Variants in IPO11 observed in about 807,000 individuals in gnomAD.
The protein encoded by IPO11 is importin-11.
A neutral mutation model predicts 143.2 loss-of-function variants in IPO11; 66 were observed. That is an observed-to-expected ratio of 0.46 (90% CI 0.38 to 0.57). The LOEUF (loss-of-function observed/expected upper bound fraction) is 0.57, where lower values mean the gene tolerates loss of function less well. Among genes scored for constraint, IPO11 ranks in the 20% least tolerant of loss-of-function variants. The pLI, the probability that IPO11 is intolerant of heterozygous loss-of-function variation, is 0.00. For synonymous variants in IPO11, 385 were observed against 377.8 expected (o/e 1.02, Z -0.22); for missense variants, 1,026 against 1,141.0 (o/e 0.90, Z 1.45).
chr5:62,421,318 T>C (rs1561302815), intron 1 of IPO11, among the ~76,000 whole-genome samples: 1 of 152,236 alleles, frequency 6.6e-6, no homozygotes, highest in Non-Finnish European at 1.5e-5. Flanking sequence ...CTTGTTAACC[T>C]TGTGTAGGGT....
At chr5:62,559,099 G>A (rs543768121) in intron 26 of IPO11, among the ~76,000 whole-genome samples, 1 of 152,266 alleles carries the variant, frequency 6.6e-6, no homozygotes, top group South Asian at 2.1e-4. Context: ...CTGGTAGATG[G>A]TCTTGCCTTG....
At chr5:62,563,267 G>GT (rs1409785391) in intron 27 of IPO11, among the ~76,000 whole-genome samples, 1 of 152,142 alleles carries the variant, frequency 6.6e-6, no homozygotes, top group East Asian at 1.9e-4. Context: ...GTCCTTGGTG[G>GT]TAGTCAGCAC....
At chr5:62,609,856 G>A (rs562576960) in intron 29 of IPO11, among the ~76,000 whole-genome samples, 9 of 152,236 alleles carry the variant, frequency 5.9e-5, no homozygotes, top group African/African-American at 2.2e-4. Context: ...CTGAAAATGA[G>A]GTTCTAACTG....
chr5:62,564,032 G>T (rs1293170476), intron 27 of IPO11, among the ~76,000 whole-genome samples: 1 of 152,042 alleles, frequency 6.6e-6, no homozygotes, highest in Admixed American at 6.6e-5. Flanking sequence ...AAATCTAATG[G>T]GCATTAGCAA....
intron 20 of IPO11, among the ~76,000 whole-genome samples, chr5:62,524,189 C>T (rs1222544967): frequency 6.6e-6 from 1 of 152,074 alleles, no homozygotes. Context: ...AGGGATTGGA[C>T]ACATTCTTTA....
At chr5:62,427,577 C>T (rs1743803463) in intron 1 of IPO11, among the ~76,000 whole-genome samples, 1 of 152,194 alleles carries the variant, frequency 6.6e-6, no homozygotes, top group Non-Finnish European at 1.5e-5. Flanking sequence ...CTGAGGTCCA[C>T]CTCCTGTCAG....
intron 5 of IPO11, among the ~76,000 whole-genome samples, chr5:62,458,107 A>C (rs1019312279): frequency 6.8e-6 from 1 of 147,166 alleles, no homozygotes; most frequent in African/African-American, 2.5e-5. Flanking sequence ...AGATCGCGCC[A>C]CTGCACTCCA....
intron 19 of IPO11, among the ~76,000 whole-genome samples, chr5:62,512,835 C>T (rs1741809699): frequency 6.8e-6 from 1 of 147,324 alleles, no homozygotes; most frequent in Non-Finnish European, 1.5e-5. Flanking sequence ...GCACATCTTG[C>T]ACCGCCCTTA....
chr5:62,575,270 G>C (rs1222140038), intron 27 of IPO11, among the ~76,000 whole-genome samples: 1 of 152,156 alleles, frequency 6.6e-6, no homozygotes, highest in Non-Finnish European at 1.5e-5. Context: ...AGAATCACCT[G>C]TTGTTAACTT....
chr5:62,439,095 C>T (rs768292397), intron 2 of IPO11, among the ~76,000 whole-genome samples: 1 of 151,142 alleles, frequency 6.6e-6, no homozygotes. Flanking sequence ...AGTATCTTTA[C>T]TCTCCTTACG....
chr5:62,621,889 A>AT (rs1746392397), intron 29 of IPO11, among the ~76,000 whole-genome samples: 1 of 152,104 alleles, frequency 6.6e-6, no homozygotes, highest in Non-Finnish European at 1.5e-5. Context: ...TAAAAAAAAA[A>AT]GTCATCAACA....
intron 5 of IPO11, among the ~76,000 whole-genome samples, chr5:62,459,144 AG>A (rs1745270899): frequency 6.6e-6 from 1 of 151,902 alleles, no homozygotes; most frequent in Non-Finnish European, 1.5e-5. Flanking sequence ...TGGATACATG[AG>A]AACAGTGTGT....
At chr5:62,542,947 T>C (rs1246223728) in intron 24 of IPO11, among the ~76,000 whole-genome samples, 1 of 152,194 alleles carries the variant, frequency 6.6e-6, no homozygotes. Flanking sequence ...TAATAATAGC[T>C]CATACTAGCA....
At chr5:62,623,650 T>C (rs1280761730) in intron 29 of IPO11, among the ~76,000 whole-genome samples, 11 of 150,974 alleles carry the variant, frequency 7.3e-5, no homozygotes, top group Admixed American at 2.0e-4. Context: ...TTTTTCTTTT[T>C]TTTTTTTTTT....
At chr5:62,562,132 A>T (rs564652776) in intron 27 of IPO11, 1 of 152,428 alleles carries the variant, frequency 6.6e-6, no homozygotes, top group East Asian at 1.9e-4. Context: ...GGATGCACTT[A>T]TGAATGTTGG....
At chr5:62,490,060 T>G in intron 14 of IPO11, 55 bp from the exon 15 acceptor site, 1 of 991,402 alleles carries the variant, frequency 1.0e-6, no homozygotes. Context: ...CATACACTCA[T>G]TTGCAGATCT....
At chr5:62,483,525 G>A (rs1746285140) in intron 10 of IPO11, 1 of 399,928 alleles carries the variant, frequency 2.5e-6, no homozygotes, top group African/African-American at 2.1e-5. Flanking sequence ...GAAGCTTAGG[G>A]ACTTTAAGAA....
intron 8 of IPO11, among the ~76,000 whole-genome samples, chr5:62,475,682 G>A (rs1263794385): frequency 2.6e-5 from 4 of 152,096 alleles, no homozygotes; most frequent in Admixed American, 2.6e-4. Flanking sequence ...AGTATTTGTT[G>A]CATATCACTG....
rs115534277 is a variant in IPO11, at chr5:62,549,025, T to A, written c.2251-1342T>A. Among the ~76,000 whole-genome samples the A allele has an allele frequency of 7.2e-3, 1,099 of 152,272 alleles. 13 individuals carry two copies. The highest frequency in any genetic ancestry group is 0.025 in the African/African-American group (1,035 of 41,568). The stretch of plus-strand genomic sequence containing the variant: ...CTGGTGATATCTGCCTCTGTGACTC[T>A]CTCGGTCTACTAGCTTATCTGTATA... On this transcript the variant is annotated intron_variant, in intron 24 of 29. Coordinates refer to ENST00000325324, the MANE Select transcript of IPO11 (RefSeq NM_016338.5).
Sources: allele counts gnomAD v4.1 joint callset (sites outside exome capture counted in the v4.1 genomes callset), GRCh38; gene constraint gnomAD v4.1.1; transcripts MANE v1.5; gene names NCBI Gene and HGNC (gene_info 2026-07-23, HGNC 2026-07-21).